SUGCT: variants seen among roughly 807,000 people sequenced by gnomAD.
SUGCT encodes succinyl-CoA:glutarate-CoA transferase, also known as succinyl-CoA:glutarate CoA-transferase.
In SUGCT, 41 loss-of-function variants were observed where a neutral mutation model predicts 55.0. The observed-to-expected ratio is 0.74, with a 90% CI of 0.58 to 0.97. The LOEUF is 0.97. Ranked by LOEUF, SUGCT falls within the 50% of genes least tolerant of loss-of-function variation. The pLI is 0.00. For synonymous variants in SUGCT, 187 were observed against 200.4 expected (o/e 0.93, Z 0.56); for missense variants, 568 against 547.8 (o/e 1.04, Z -0.37).
At chr7:40,414,478 A>AG (rs1786859850) in intron 9 of SUGCT, among the ~76,000 whole-genome samples, 1 of 152,148 alleles carries the variant, frequency 6.6e-6, no homozygotes, top group Non-Finnish European at 1.5e-5. Flanking sequence ...TAAGCAGATG[A>AG]GGGGGGACTA....
the SUGCT span, among the ~76,000 whole-genome samples, chr7:40,895,676 C>T: frequency 6.6e-6 from 1 of 151,816 alleles, no homozygotes; most frequent in Non-Finnish European, 1.5e-5. Flanking sequence ...ACACATTAGA[C>T]ATAAAAGAAA....
the SUGCT span, among the ~76,000 whole-genome samples, chr7:40,926,761 T>C: frequency 2.6e-5 from 4 of 152,338 alleles, no homozygotes; most frequent in Admixed American, 2.6e-4. Context: ...ATCTTGATCT[T>C]GGATTTCCCA....
At chr7:40,815,888 G>A (rs1383391562) in intron 13 of SUGCT, among the ~76,000 whole-genome samples, 1 of 152,192 alleles carries the variant, frequency 6.6e-6, no homozygotes, top group Non-Finnish European at 1.5e-5. Context: ...TGCCCAGGAA[G>A]GGTGGTGCGG....
intron 8 of SUGCT, among the ~76,000 whole-genome samples, chr7:40,300,713 C>T (rs1446061266): frequency 1.3e-5 from 2 of 152,172 alleles, no homozygotes; most frequent in Non-Finnish European, 2.9e-5. Flanking sequence ...ATGTCTATAG[C>T]TTGCAGCTTA....
intron 12 of SUGCT, among the ~76,000 whole-genome samples, chr7:40,654,835 C>A (rs1800940567): frequency 6.6e-6 from 1 of 152,042 alleles, no homozygotes; most frequent in Non-Finnish European, 1.5e-5. Context: ...CTATCTGTCC[C>A]CTAACTCAAC....
chr7:40,952,984 A>G, the SUGCT span, among the ~76,000 whole-genome samples: 2 of 152,078 alleles, frequency 1.3e-5, no homozygotes, highest in Admixed American at 6.5e-5. Flanking sequence ...TATTTCCTGA[A>G]TTTGAATGTT....
At chr7:40,178,415 A>C (rs569669728) in intron 1 of SUGCT, among the ~76,000 whole-genome samples, 1 of 152,272 alleles carries the variant, frequency 6.6e-6, no homozygotes, top group East Asian at 1.9e-4. Context: ...TTTTCCGAGA[A>C]AGGATGCATG....
intron 9 of SUGCT, among the ~76,000 whole-genome samples, chr7:40,417,595 A>G (rs946611632): frequency 6.6e-6 from 1 of 151,872 alleles, no homozygotes; most frequent in Non-Finnish European, 1.5e-5. Flanking sequence ...GAATTTAAGC[A>G]TATTTTTTGT....
At chr7:40,502,369 A>C (rs971748404) in intron 12 of SUGCT, among the ~76,000 whole-genome samples, 3 of 152,078 alleles carry the variant, frequency 2.0e-5, no homozygotes, top group Non-Finnish European at 4.4e-5. Flanking sequence ...CCCAGAATAA[A>C]GAGTAATTAG....
At chr7:40,803,069 G>A (rs553674272) in intron 13 of SUGCT, among the ~76,000 whole-genome samples, 23 of 152,258 alleles carry the variant, frequency 1.5e-4, no homozygotes, top group African/African-American at 5.3e-4. Context: ...ACAAGTAGTT[G>A]ATGATAATGG....
At chr7:40,762,757 C>T (rs971084807) in intron 13 of SUGCT, among the ~76,000 whole-genome samples, 3 of 151,996 alleles carry the variant, frequency 2.0e-5, no homozygotes, top group African/African-American at 7.2e-5. Flanking sequence ...AACATGTTTT[C>T]CCCCAAGCTG....
intron 1 of SUGCT, among the ~76,000 whole-genome samples, chr7:40,179,154 T>A (rs1356997333): frequency 6.6e-6 from 1 of 152,178 alleles, no homozygotes; most frequent in Non-Finnish European, 1.5e-5. Context: ...AAAGGATCAT[T>A]CTCACTGCTA....
chr7:40,165,318 C>T (rs1398630158), intron 1 of SUGCT, among the ~76,000 whole-genome samples: 1 of 152,044 alleles, frequency 6.6e-6, no homozygotes, highest in Non-Finnish European at 1.5e-5. Context: ...AGATGAACCA[C>T]TTGTGTGGGC....
chr7:40,166,466 T>C (rs556307915), intron 1 of SUGCT, among the ~76,000 whole-genome samples: 13 of 152,376 alleles, frequency 8.5e-5, no homozygotes, highest in African/African-American at 2.9e-4. Context: ...TACAAGTTTT[T>C]GTTTCATTAA....
intron 12 of SUGCT, among the ~76,000 whole-genome samples, chr7:40,601,659 G>T (rs1466391086): frequency 6.6e-6 from 1 of 151,978 alleles, no homozygotes; most frequent in East Asian, 1.9e-4. Flanking sequence ...TCCAACATGC[G>T]GCCTGCAGAC....
At chr7:40,151,695 A>G (rs775204814) in intron 1 of SUGCT, 2 of 200,260 alleles carry the variant, frequency 1.0e-5, no homozygotes, top group Non-Finnish European at 2.2e-5. Flanking sequence ...AGTGACAGAA[A>G]GTGACCTCAG....
intron 12 of SUGCT, among the ~76,000 whole-genome samples, chr7:40,502,012 T>C (rs1213738643): frequency 6.6e-6 from 1 of 152,132 alleles, no homozygotes; most frequent in Non-Finnish European, 1.5e-5. Context: ...AATAAATTTC[T>C]TCTTAATGAC....
At chr7:40,544,065 G>A (rs2151625644) in intron 12 of SUGCT, among the ~76,000 whole-genome samples, 1 of 151,628 alleles carries the variant, frequency 6.6e-6, no homozygotes, top group African/African-American at 2.4e-5. Flanking sequence ...TCCCTTTTGA[G>A]ATCAGTTGAC....
At chr7:40,880,433 A>G in the SUGCT span, among the ~76,000 whole-genome samples, 1 of 152,124 alleles carries the variant, frequency 6.6e-6, no homozygotes, top group East Asian at 1.9e-4. Flanking sequence ...TGTATTGTGA[A>G]GCTCTCCATC....
Sources: gnomAD v4.1 joint callset for allele counts (sites outside exome capture counted in the v4.1 genomes callset) on GRCh38, gnomAD v4.1.1 for gene constraint, MANE v1.5 for transcripts, NCBI Gene and HGNC (gene_info 2026-07-23, HGNC 2026-07-21) for gene names.